Variants in HTT observed in about 807,000 individuals in gnomAD.
The protein encoded by HTT is huntington disease protein.
HTT carries 104 observed loss-of-function variants against 362.3 expected under a neutral mutation model. The observed-to-expected ratio is 0.29, with a 90% CI of 0.24 to 0.34. The LOEUF is 0.34. Among genes scored for constraint, HTT ranks in the 10% least tolerant of loss-of-function variants. The pLI, the probability that HTT is intolerant of heterozygous loss-of-function variation, is 1.00. For missense variants in HTT, 3,301 were observed against 3,928.6 expected (o/e 0.84, Z 4.27); for synonymous variants, 1,577 against 1,548.7 (o/e 1.02, Z -0.43).
intron 64 of HTT, 58 bp from the exon 65 acceptor site, chr4:3,238,389 G>A (rs536000631): frequency 7.3e-7 from 1 of 1,366,698 alleles, no homozygotes; most frequent in South Asian, 1.4e-5. Context: ...CCCTCCGCGG[G>A]CAGGTGGGGC....
chr4:3,173,337 T>A, intron 31 of HTT: 1 of 571,732 alleles, frequency 1.7e-6, no homozygotes, highest in Non-Finnish European at 3.1e-6. Context: ...GGCCAGTGAG[T>A]GAGATGGGCT....
At chr4:3,155,741 A>G (rs1343221466) in intron 27 of HTT, among the ~76,000 whole-genome samples, 2 of 147,964 alleles carry the variant, frequency 1.4e-5, no homozygotes, top group Non-Finnish European at 3.0e-5. Flanking sequence ...AAAAAAAAAA[A>G]AAAAAAAAAA....
intron 18 of HTT, among the ~76,000 whole-genome samples, chr4:3,133,566 T>C (rs1715926718): frequency 6.6e-6 from 1 of 150,780 alleles, no homozygotes; most frequent in South Asian, 2.1e-4. Flanking sequence ...GCCCATAGTA[T>C]GGTAAGAGTT....
At chr4:3,152,713 T>A (rs537451318) in intron 26 of HTT, among the ~76,000 whole-genome samples, 18 of 151,670 alleles carry the variant, frequency 1.2e-4, no homozygotes, top group Admixed American at 3.3e-4. Flanking sequence ...CTTTTTTTTT[T>A]AAATTGTGAC....
Position 3,235,310 on chromosome 4 carries a change from A to T in HTT, c.8483A>T (p.His2828Leu), listed in dbSNP as rs1320268318. 1 of 1,613,756 alleles carries T rather than the reference A, an allele frequency of 6.2e-7. No homozygotes were observed. Among genetic ancestry groups the T allele is most frequent in the Non-Finnish European group, 8.5e-7 (1 of 1,179,784 alleles). ...TGCGTGAACATTCACAGCCAGCAGC[A>T]CGTACTGGTCATGTGTGCCACTGCG... is the stretch of plus-strand genomic sequence containing the variant. The part of the protein sequence containing the change: ...AHCVNIHSQQ[H>L]VLVMCATAFY... The change falls in exon 62 of 67, where the codon CAC becomes CTC. Residue 2828 changes from histidine (H) to leucine (L), a missense_variant. Around this residue, in one of 4 missense-constraint regions of HTT, gnomAD observed 753 missense variants for 1,021.3 expected, o/e 0.74. Transcript: ENST00000355072.
At chr4:3,084,623 G>A (rs140652927) in intron 1 of HTT, among the ~76,000 whole-genome samples, 2,170 of 151,862 alleles carry the variant, frequency 0.014, 23 homozygotes, top group Non-Finnish European at 0.022. Context: ...CCGAGGGGCA[G>A]AGGTTGCAGT....
intron 20 of HTT, 61 bp from the exon 21 acceptor site, chr4:3,136,165 C>A (rs1282779547): frequency 6.6e-6 from 8 of 1,207,694 alleles, no homozygotes; most frequent in Non-Finnish European, 4.8e-6. Context: ...TCCAAAATAT[C>A]TTACCTAAAA....
intron 50 of HTT, among the ~76,000 whole-genome samples, chr4:3,214,526 C>T (rs539425945): frequency 7.2e-5 from 11 of 152,248 alleles, no homozygotes; most frequent in Admixed American, 6.5e-4. Context: ...TGTTTTTATA[C>T]TGCATTGTAA....
rs748186259 is a variant in HTT at position 3,140,575 on chromosome 4, G to A, written c.2864G>A (p.Arg955Lys). Residue 955 changes from arginine to lysine, a missense_variant, in exon 22 of 67, where the codon AGA becomes AAA. By Grantham distance (26) the Arg-to-Lys change is conservative. Coordinates refer to ENST00000355072, the MANE Select transcript of HTT (RefSeq NM_001388492.1). Reference protein sequence around the residue: ...GQADPVVAVARDQSSVYLKLL... With the variant: ...GQADPVVAVAKDQSSVYLKLL... Reference sequence around the variant, plus strand: ...GCTGATCCAGTAGTGGCCGTGGCAAGAGATCAAAGCAGTGTTTACCTGAAA... The same window carrying A: ...GCTGATCCAGTAGTGGCCGTGGCAAAAGATCAAAGCAGTGTTTACCTGAAA... The A allele has an allele frequency of 6.2e-7, 1 of 1,614,120 alleles. No individual in the cohort carries two copies. Among genetic ancestry groups the A allele is most frequent in the Admixed American group, 1.7e-5 (1 of 60,028 alleles).
intron 44 of HTT, 57 bp downstream of exon 44, chr4:3,207,040 A>C (rs2110270005): frequency 6.6e-7 from 1 of 1,506,282 alleles, no homozygotes; most frequent in East Asian, 2.4e-5. Flanking sequence ...CAGGCCAAGC[A>C]AAACAGGTGG....
intron 24 of HTT, among the ~76,000 whole-genome samples, chr4:3,146,176 C>A (rs1008705720): frequency 2.6e-5 from 4 of 152,158 alleles, no homozygotes; most frequent in African/African-American, 9.7e-5. Flanking sequence ...TCTTAATGCT[C>A]AGTCAGCACC....
At chr4:3,161,877 G>T (rs923717600) in intron 29 of HTT, among the ~76,000 whole-genome samples, 2 of 152,116 alleles carry the variant, frequency 1.3e-5, no homozygotes, top group African/African-American at 4.8e-5. Flanking sequence ...TAGGTTGCCT[G>T]TTCACTCTGA....
rs763523772 is a variant in HTT, at chr4:3,225,642, AGG to A, written c.7766-17_7766-16del. ...TGCCCCCCTGTGCAGATCAAGACTCAGGGTGCTGGTGTTCACAGGTGCCCTCA... is the reference window on the plus strand; with the variant it reads ...TGCCCCCCTGTGCAGATCAAGACTCAGTGCTGGTGTTCACAGGTGCCCTCA... On this transcript the variant is annotated splice_polypyrimidine_tract_variant and intron_variant, in intron 56 of 66. Coordinates refer to ENST00000355072, the MANE Select transcript of HTT (RefSeq NM_001388492.1). 25 of 1,610,842 alleles carry A rather than the reference AGG, an allele frequency of 1.6e-5. No individual in the cohort carries two copies. In the African/African-American group the frequency reaches 3.1e-4, roughly 20 times the overall value.
intron 2 of HTT, among the ~76,000 whole-genome samples, chr4:3,094,579 C>CG (rs988173677): frequency 2.2e-5 from 3 of 137,880 alleles, no homozygotes; most frequent in Non-Finnish European, 3.1e-5. Flanking sequence ...GGTGGCCGGG[C>CG]GGGGGCTGCC....
At chr4:3,079,648 G>A (rs1712782519) in intron 1 of HTT, among the ~76,000 whole-genome samples, 1 of 152,190 alleles carries the variant, frequency 6.6e-6, no homozygotes, top group Non-Finnish European at 1.5e-5. Flanking sequence ...TACTTGCCTT[G>A]TAGATGGAAT....
chr4:3,181,002 G>A (rs1578566360), intron 36 of HTT, among the ~76,000 whole-genome samples: 2 of 151,774 alleles, frequency 1.3e-5, no homozygotes, highest in African/African-American at 4.8e-5. Flanking sequence ...TCCACCTCCC[G>A]AGTAGCTGGG....
At chr4:3,205,272 CAT>C (rs1719803180) in intron 42 of HTT, among the ~76,000 whole-genome samples, 1 of 152,014 alleles carries the variant, frequency 6.6e-6, no homozygotes, top group Non-Finnish European at 1.5e-5. Flanking sequence ...ATATTTAAAA[CAT>C]ATGCATTTCT....
chr4:3,119,502 A>G (rs1032699741), intron 8 of HTT, among the ~76,000 whole-genome samples: 7 of 152,222 alleles, frequency 4.6e-5, no homozygotes, highest in African/African-American at 1.7e-4. Flanking sequence ...AGAAAGAAAT[A>G]TTTCATTATT....
At chr4:3,106,712 A>C (rs979890852) in intron 5 of HTT, among the ~76,000 whole-genome samples, 10 of 152,076 alleles carry the variant, frequency 6.6e-5, no homozygotes, top group Non-Finnish European at 1.0e-4. Flanking sequence ...TCTCAGCGGA[A>C]CAGTCACTTC....
Sources: allele counts gnomAD v4.1 joint callset (sites outside exome capture counted in the v4.1 genomes callset), GRCh38; gene constraint gnomAD v4.1.1; regional missense constraint gnomAD v4.1.1; transcripts MANE v1.5; gene names NCBI Gene and HGNC (gene_info 2026-07-23, HGNC 2026-07-21).